NRXN3: variants seen among roughly 807,000 people sequenced by gnomAD.
NRXN3 encodes neurexin III.
In NRXN3, 32 loss-of-function variants were observed where a neutral mutation model predicts 137.6. That is an observed-to-expected ratio of 0.23 (90% confidence interval 0.18 to 0.31). The LOEUF (loss-of-function observed/expected upper bound fraction) is 0.31, where lower values mean the gene tolerates loss of function less well. NRXN3 is among the 10% of genes least tolerant of loss of function. NRXN3 has a pLI of 1.00. For synonymous variants in NRXN3, 798 were observed against 784.5 expected, an observed-to-expected ratio of 1.02 and a Z score of -0.29; for missense variants, 1,574 against 2,062.5, an observed-to-expected ratio of 0.76 and a Z score of 4.59.
At chr14:79,484,313 G>T (rs561366208) in intron 16 of NRXN3, among the ~76,000 whole-genome samples, 1 of 152,186 alleles carries the variant, frequency 6.6e-6, no homozygotes, top group African/African-American at 2.4e-5. Context: ...TTCCCTTCCT[G>T]GTTCCTGATC....
chr14:79,199,291 C>T (rs1402378389), intron 15 of NRXN3, among the ~76,000 whole-genome samples: 2 of 152,022 alleles, frequency 1.3e-5, no homozygotes, highest in East Asian at 1.9e-4. Flanking sequence ...CATTTCCTCT[C>T]GTGCCTTTCC....
intron 10 of NRXN3, among the ~76,000 whole-genome samples, chr14:78,913,482 G>T (rs901768664): frequency 4.0e-5 from 6 of 151,476 alleles, no homozygotes; most frequent in Non-Finnish European, 8.8e-5. Context: ...GTTTCACCAC[G>T]TTGGCCAGGA....
chr14:79,250,484 T>C (rs1158220367), intron 15 of NRXN3, among the ~76,000 whole-genome samples: 1 of 152,204 alleles, frequency 6.6e-6, no homozygotes, highest in Non-Finnish European at 1.5e-5. Context: ...TTTACAAACC[T>C]TTGCTTGTTT....
chr14:79,387,683 A>T (rs2094681777), intron 15 of NRXN3, among the ~76,000 whole-genome samples: 1 of 151,846 alleles, frequency 6.6e-6, no homozygotes, highest in Admixed American at 6.6e-5. Context: ...TATTCACAAG[A>T]GCAAAGACTT....
intron 8 of NRXN3, among the ~76,000 whole-genome samples, chr14:78,789,971 T>C (rs972738668): frequency 4.6e-5 from 7 of 152,168 alleles, no homozygotes; most frequent in Admixed American, 2.6e-4. Flanking sequence ...ACAGAGAACA[T>C]GCTATTTGTG....
At chr14:79,846,892 C>T (rs1436643973) in intron 20 of NRXN3, among the ~76,000 whole-genome samples, 1 of 152,092 alleles carries the variant, frequency 6.6e-6, no homozygotes, top group Non-Finnish European at 1.5e-5. Flanking sequence ...TAATTAGTTG[C>T]TTATATTTTA....
chr14:79,572,453 A>G (rs949476936), intron 16 of NRXN3, among the ~76,000 whole-genome samples: 2 of 152,220 alleles, frequency 1.3e-5, no homozygotes, highest in African/African-American at 4.8e-5. Flanking sequence ...ATCCAGAAAT[A>G]ATGCATGTAA....
chr14:79,671,016 G>A (rs975910987), intron 17 of NRXN3, among the ~76,000 whole-genome samples: 5 of 152,132 alleles, frequency 3.3e-5, no homozygotes, highest in African/African-American at 1.2e-4. Flanking sequence ...GTAGGAAGTG[G>A]CAGATGGTGC....
intron 8 of NRXN3, among the ~76,000 whole-genome samples, chr14:78,724,286 A>T (rs2098473211): frequency 6.6e-6 from 1 of 152,238 alleles, no homozygotes; most frequent in South Asian, 2.1e-4. Context: ...TTTCTGTTTT[A>T]TCATGGGTTC....
intron 16 of NRXN3, among the ~76,000 whole-genome samples, chr14:79,528,348 TA>T (rs1459937067): frequency 6.6e-6 from 1 of 152,182 alleles, no homozygotes; most frequent in Non-Finnish European, 1.5e-5. Flanking sequence ...TTTTTGATGT[TA>T]TAAACACCAT....
chr14:78,890,840 T>C (rs1458960156), intron 10 of NRXN3, among the ~76,000 whole-genome samples: 1 of 151,748 alleles, frequency 6.6e-6, no homozygotes, highest in Non-Finnish European at 1.5e-5. Flanking sequence ...GGGGGCAAAA[T>C]GAGTTTCTGG....
intron 6 of NRXN3, among the ~76,000 whole-genome samples, chr14:78,701,321 T>C (rs1189798964): frequency 2.0e-5 from 3 of 152,216 alleles, no homozygotes; most frequent in African/African-American, 7.2e-5. Context: ...AAATAAATAC[T>C]TGTTAAAGCC....
At chr14:78,212,290 G>A (rs2062825968) in intron 1 of NRXN3, among the ~76,000 whole-genome samples, 1 of 152,052 alleles carries the variant, frequency 6.6e-6, no homozygotes, top group Admixed American at 6.5e-5. Context: ...GATGATGAAG[G>A]TGCCTTCCTC....
intron 4 of NRXN3, among the ~76,000 whole-genome samples, chr14:78,635,646 G>C (rs7142482): frequency 0.18 from 26,700 of 152,162 alleles, 2,510 homozygotes; most frequent in South Asian, 0.24. Flanking sequence ...ACAGAATGTA[G>C]TGTGACAGCA....
intron 4 of NRXN3, among the ~76,000 whole-genome samples, chr14:78,364,475 G>T (rs2085602144): frequency 1.3e-5 from 2 of 152,216 alleles, no homozygotes; most frequent in South Asian, 4.2e-4. Flanking sequence ...ATTTTATAAT[G>T]AAAAAGAAAA....
intron 16 of NRXN3, among the ~76,000 whole-genome samples, chr14:79,494,933 A>C (rs964688896): frequency 2.6e-5 from 4 of 152,192 alleles, no homozygotes; most frequent in African/African-American, 4.8e-5. Flanking sequence ...CTAATTTGTG[A>C]TAATCTACAA....
At chr14:79,096,703 C>T (rs1485756314) in intron 15 of NRXN3, among the ~76,000 whole-genome samples, 1 of 152,112 alleles carries the variant, frequency 6.6e-6, no homozygotes, top group Non-Finnish European at 1.5e-5. Flanking sequence ...ATACTTATTC[C>T]AGACTCCTGG....
chr14:79,162,901 C>G (rs185414936), intron 15 of NRXN3, among the ~76,000 whole-genome samples: 7 of 152,002 alleles, frequency 4.6e-5, no homozygotes, highest in African/African-American at 7.2e-5. Flanking sequence ...CTTTGCTCCT[C>G]CTCTTTTTCC....
chr14:79,582,914 T>C (rs565970464), intron 16 of NRXN3, among the ~76,000 whole-genome samples: 5 of 152,312 alleles, frequency 3.3e-5, no homozygotes, highest in Middle Eastern at 3.4e-3. Flanking sequence ...GTACTTGCCT[T>C]TCTCGAAAAC....
Sources: gnomAD v4.1 joint callset for allele counts (sites outside exome capture counted in the v4.1 genomes callset) on GRCh38, gnomAD v4.1.1 for gene constraint, MANE v1.5 for transcripts, NCBI Gene and HGNC (gene_info 2026-07-23, HGNC 2026-07-21) for gene names.